The following BIN1 variants were observed in gnomAD, a reference collection of about 807,000 sequenced individuals.
BIN1 encodes the protein bridging integrator 1.
BIN1 carries 53 observed loss-of-function variants against 82.0 expected under a neutral mutation model. The observed-to-expected ratio is 0.65, with a 90% CI of 0.52 to 0.81. The LOEUF is 0.81. Ranked by LOEUF, BIN1 falls within the 40% of genes least tolerant of loss-of-function variation. The probability of loss-of-function intolerance (pLI) is 0.00; values close to 1 mark genes in which losing one functional copy is unlikely to be tolerated. For synonymous variants in BIN1, 302 were observed against 328.0 expected, an observed-to-expected ratio of 0.92 and a Z score of 0.86; for missense variants, 642 against 784.4, an observed-to-expected ratio of 0.82 and a Z score of 2.17.
Position 127,059,588 on chromosome 2 carries a change from C to T in BIN1, c.858-433G>A, listed in dbSNP as rs1684176505. Reference sequence around the variant, plus strand: ...AGTCTCCCACACCACACGCAGCAGCCCCTCTGTTCTGGGGTCTGCTCCCCA... The same window carrying T: ...AGTCTCCCACACCACACGCAGCAGCTCCTCTGTTCTGGGGTCTGCTCCCCA... On this transcript the variant is annotated intron_variant, in intron 10 of 18. Coordinates refer to ENST00000316724, the MANE Select transcript of BIN1 (RefSeq NM_139343.3). This position sits in a 1 kb window ranked among gnomAD's most constrained non-coding sequence, Gnocchi z 6.7. Among the ~76,000 whole-genome samples the T allele has an allele frequency of 6.6e-6, 1 of 152,126 alleles. No individual in the cohort carries two copies. The highest frequency in any genetic ancestry group is 1.5e-5 in the Non-Finnish European group (1 of 68,012).
At chr2:127,074,766 G>A (rs1182833206) in intron 2 of BIN1, among the ~76,000 whole-genome samples, 1 of 152,176 alleles carries the variant, frequency 6.6e-6, no homozygotes, top group Admixed American at 6.5e-5. Flanking sequence ...CCAGTGGCAT[G>A]ATCTCGGCCC....
At chr2:127,097,273 TCTCCAGGCCCAGCAGCGTCAGCC>T (rs1679722580) in intron 1 of BIN1, among the ~76,000 whole-genome samples, 1 of 151,310 alleles carries the variant, frequency 6.6e-6, no homozygotes, top group Non-Finnish European at 1.5e-5. Context: ...AGCCGCCAGC[TCTCCAGGCCCAGCAGCGTCAGCC>T]CTCCAGGCCC....
In BIN1 at chr2:127,090,344, T is replaced by C. The variant is rs1438747324; in HGVS notation, c.85-13638A>G. On this transcript the variant is annotated intron_variant, in intron 1 of 18. Transcript: ENST00000316724. The surrounding 1 kb of genome is among the most constrained non-coding windows in gnomAD (Gnocchi z 6.4). The stretch of plus-strand genomic sequence containing the variant: ...GCCTTGCTACTACTCCACATCCCAG[T>C]GCCACCCCCGCAGGCAGGCAGCAAG... Among the ~76,000 whole-genome samples the C allele has an allele frequency of 6.6e-6, 1 of 152,174 alleles. No homozygotes were observed. The highest frequency in any genetic ancestry group is 2.4e-5 in the African/African-American group (1 of 41,444).
chr2:127,096,824 A>G (rs945864566), intron 1 of BIN1, among the ~76,000 whole-genome samples: 1 of 152,198 alleles, frequency 6.6e-6, no homozygotes, highest in African/African-American at 2.4e-5. Flanking sequence ...GGACTCAGGC[A>G]TCTTGGCCTC....
chr2:127,064,022 G>A lies in BIN1; in HGVS notation c.613-4C>T, dbSNP rs1370107201. ...CTTTGATGAGCTCCTCCTCGGCCTG[G>A]GGGGCAGCACGGGTCATTCCCCTCT... On this transcript the variant is annotated splice_region_variant and splice_polypyrimidine_tract_variant and intron_variant, in intron 7 of 18. Coordinates refer to ENST00000316724, the MANE Select transcript of BIN1 (RefSeq NM_139343.3). 1 of 1,613,800 alleles carries A rather than the reference G, an allele frequency of 6.2e-7. No individual in the cohort carries two copies. The highest frequency in any genetic ancestry group is 8.5e-7 in the Non-Finnish European group (1 of 1,179,974).
chr2:127,059,087 TC>T lies in BIN1; in HGVS notation c.925del (p.Glu309ArgfsTer64). The T allele has an allele frequency of 6.3e-7, 1 of 1,591,596 alleles. No homozygotes were observed. Among genetic ancestry groups the T allele is most frequent in the Non-Finnish European group, 8.5e-7 (1 of 1,170,254 alleles). ...PPDGSPAATPEIRVNHEPEPA... is the reference protein window; with the variant it reads ...PPDGSPAATPXIRVNHEPEPA... The stretch of plus-strand genomic sequence containing the variant: ...CTCTGGCTCGTGGTTGACTCTGATC[TC>T]GGGGGTGGCGGCAGGGGAGCCATCT... On this transcript the variant is annotated frameshift_variant, in exon 11 of 19. Coordinates refer to ENST00000316724, the MANE Select transcript of BIN1 (RefSeq NM_139343.3). LOFTEE classifies it high-confidence loss of function. This position sits in a 1 kb window ranked among gnomAD's most constrained non-coding sequence, Gnocchi z 6.7.
intron 1 of BIN1, among the ~76,000 whole-genome samples, chr2:127,104,357 T>C (rs1003485995): frequency 2.0e-5 from 3 of 152,174 alleles, no homozygotes; most frequent in Non-Finnish European, 4.4e-5. Context: ...AAGAGCTGGC[T>C]TGGGGACCCT....
At position 127,093,001 on chromosome 2, in the gene BIN1, A is replaced by T. The variant is rs904632667; in HGVS notation, c.84+13859T>A. Reference sequence around the variant, plus strand: ...CCAATCCCTCTAAAAAAAAAAAAAAATCCCAGGAGGGAGCCAAAGGAGTGG... The same window carrying T: ...CCAATCCCTCTAAAAAAAAAAAAAATTCCCAGGAGGGAGCCAAAGGAGTGG... On this transcript the variant is annotated intron_variant, in intron 1 of 18. Coordinates refer to ENST00000316724, the MANE Select transcript of BIN1 (RefSeq NM_139343.3). This position sits in a 1 kb window ranked among gnomAD's most constrained non-coding sequence, Gnocchi z 5.7. 3.3e-5 allele frequency among the ~76,000 whole-genome samples: 5 copies of T among 151,444 alleles called. No homozygotes were observed. Among genetic ancestry groups the T allele is most frequent in the Admixed American group, 1.3e-4 (2 of 15,232 alleles).
At chr2:127,051,116 A>C (rs368377494) in intron 16 of BIN1, 38 bp downstream of exon 16, 1 of 1,609,914 alleles carries the variant, frequency 6.2e-7, no homozygotes, top group Non-Finnish European at 8.5e-7. Flanking sequence ...GGCGGGCGGC[A>C]GGGAGGAAAA....
At chr2:127,061,472 C>A (rs1684479186) in intron 10 of BIN1, among the ~76,000 whole-genome samples, 1 of 152,184 alleles carries the variant, frequency 6.6e-6, no homozygotes, top group Admixed American at 6.5e-5. Context: ...CACACACAGT[C>A]CCCCTCACAC....
chr2:127,083,926 G>A (rs1238928646), intron 1 of BIN1, among the ~76,000 whole-genome samples: 3 of 152,200 alleles, frequency 2.0e-5, no homozygotes, highest in African/African-American at 7.2e-5. Context: ...CACCACAGCT[G>A]TGTTAGGCTT....
At chr2:127,084,686 C>T (rs1231301894) in intron 1 of BIN1, among the ~76,000 whole-genome samples, 1 of 152,234 alleles carries the variant, frequency 6.6e-6, no homozygotes, top group East Asian at 1.9e-4. Flanking sequence ...AGCGAAGAAG[C>T]GACCGAGCTC....
At position 127,099,350 on chromosome 2, in the gene BIN1, A is replaced by ATGTGTG. The variant is rs3033389; in HGVS notation, c.84+7504_84+7509dup. Among the ~76,000 whole-genome samples the ATGTGTG allele has an allele frequency of 5.1e-3, 761 of 149,504 alleles. 7 individuals are homozygous for ATGTGTG. Among genetic ancestry groups the ATGTGTG allele is most frequent in the East Asian group, 0.05 (254 of 5,080 alleles). ...CCCCCAGGAAGTCTTCCCAGGGTGC[A>ATGTGTG]TGTGTGTGTGTGTGTGTGTGTGGTA... On this transcript the variant is annotated intron_variant, in intron 1 of 18. Coordinates refer to ENST00000316724, the MANE Select transcript of BIN1 (RefSeq NM_139343.3).
At chr2:127,065,447 G>T (rs1159726643) in intron 7 of BIN1, among the ~76,000 whole-genome samples, 2 of 152,104 alleles carry the variant, frequency 1.3e-5, no homozygotes, top group Non-Finnish European at 2.9e-5. Flanking sequence ...ACTCCCCTGG[G>T]TGTCCCATTA....
intron 11 of BIN1, among the ~76,000 whole-genome samples, chr2:127,058,563 G>T (rs982814169): frequency 6.6e-6 from 1 of 150,846 alleles, no homozygotes; most frequent in Non-Finnish European, 1.5e-5. Context: ...TCCTCTCTCT[G>T]TCCCTTTAAA....
In BIN1 at chr2:127,059,831, G is replaced by A. The variant is rs980634213; in HGVS notation, c.858-676C>T. ...CCCAAGGCGGAGGTGGTGTGATGCTGTGCACCCCAGGCACAGGGGCGAAGG... is the reference window on the plus strand; with the variant it reads ...CCCAAGGCGGAGGTGGTGTGATGCTATGCACCCCAGGCACAGGGGCGAAGG... On this transcript the variant is annotated intron_variant, in intron 10 of 18. Coordinates refer to ENST00000316724, the MANE Select transcript of BIN1 (RefSeq NM_139343.3). The surrounding 1 kb of genome is among the most constrained non-coding windows in gnomAD (Gnocchi z 6.7). Among the ~76,000 whole-genome samples, 1 of 152,204 alleles carries A rather than the reference G, an allele frequency of 6.6e-6. No homozygotes were observed. Among genetic ancestry groups the A allele is most frequent in the Non-Finnish European group, 1.5e-5 (1 of 68,030 alleles).
intron 1 of BIN1, among the ~76,000 whole-genome samples, chr2:127,104,516 A>G (rs1680780822): frequency 6.6e-6 from 1 of 152,166 alleles, no homozygotes. Flanking sequence ...GGACTCTCCC[A>G]GCCTCCCAGC....
chr2:127,107,116 G>GAGCCAGCGAGCT lies in BIN1; in HGVS notation c.-185_-174dup, dbSNP rs913778133. Reference sequence around the variant, plus strand: ...CGGAGCGTGCGCCGGACGGGCGAGCGAGCCAGCGAGCTAGCCAGCGAGCGA... The same window carrying GAGCCAGCGAGCT: ...CGGAGCGTGCGCCGGACGGGCGAGCGAGCCAGCGAGCTAGCCAGCGAGCTAGCCAGCGAGCGA... On this transcript the variant is annotated 5_prime_UTR_variant, in exon 1 of 19. Transcript: ENST00000316724. This position sits in a 1 kb window ranked among gnomAD's most constrained non-coding sequence, Gnocchi z 5.9. The GAGCCAGCGAGCT allele has an allele frequency of 4.7e-6, 3 of 636,718 alleles. No homozygotes were observed. Among genetic ancestry groups the GAGCCAGCGAGCT allele is most frequent in the Non-Finnish European group, 6.9e-6 (3 of 435,354 alleles). 39.4% of individuals were successfully genotyped at this position (636,718 alleles called of 1,614,324 possible). A position where few individuals can be genotyped will look rare whatever the true frequency, so the allele number is the denominator to read the frequency against.
Position 127,068,571 on chromosome 2 carries a change from CT to C in BIN1, c.520-317del, listed in dbSNP as rs1685457031. Among the ~76,000 whole-genome samples, 1 of 152,330 alleles carries C rather than the reference CT, an allele frequency of 6.6e-6. No homozygotes were observed. Among genetic ancestry groups the C allele is most frequent in the Admixed American group, 6.5e-5 (1 of 15,312 alleles). The stretch of plus-strand genomic sequence containing the variant: ...GTGGGGCCAGCTCTGCACCTACTGG[CT>C]CGCTCCAGCCAGGGACAGGTCGCCT... On this transcript the variant is annotated intron_variant, in intron 6 of 18. Coordinates refer to ENST00000316724, the MANE Select transcript of BIN1 (RefSeq NM_139343.3). This position sits in a 1 kb window ranked among gnomAD's most constrained non-coding sequence, Gnocchi z 4.9.
Sources: gnomAD v4.1 joint callset for allele counts (sites outside exome capture counted in the v4.1 genomes callset) on GRCh38, gnomAD v4.1.1 for gene constraint, Gnocchi (gnomAD v3.1) non-coding constraint, MANE v1.5 for transcripts, NCBI Gene and HGNC (gene_info 2026-07-23, HGNC 2026-07-21) for gene names.